Variants in PTPRT observed in about 807,000 individuals in gnomAD.
PTPRT encodes receptor-type tyrosine-protein phosphatase T.
A neutral mutation model predicts 176.8 loss-of-function variants in PTPRT; 56 were observed. The ratio of observed to expected loss-of-function variants is 0.32; its 90% CI spans 0.26 to 0.40. PTPRT has a LOEUF of 0.40. PTPRT is among the 10% of genes least tolerant of loss of function. PTPRT has a pLI of 1.00. For synonymous variants in PTPRT, 783 were observed against 739.0 expected (o/e 1.06, Z -0.96); for missense variants, 1,540 against 1,908.2 (o/e 0.81, Z 3.60).
At chr20:42,427,316 C>CTT (rs1314336142) in intron 9 of PTPRT, among the ~76,000 whole-genome samples, 1 of 152,184 alleles carries the variant, frequency 6.6e-6, no homozygotes, top group Non-Finnish European at 1.5e-5. Context: ...GTTTCTCAAA[C>CTT]TTAAAAACTT....
At chr20:42,346,330 T>G (rs571222243) in intron 11 of PTPRT, among the ~76,000 whole-genome samples, 1 of 152,344 alleles carries the variant, frequency 6.6e-6, no homozygotes, top group South Asian at 2.1e-4. Context: ...CATGGCTAAG[T>G]TACTTTCTTA....
chr20:42,268,952 G>T (rs1489154390), intron 13 of PTPRT, among the ~76,000 whole-genome samples: 1 of 152,128 alleles, frequency 6.6e-6, no homozygotes. Context: ...AGGCATAAGG[G>T]AACCACTTCC....
intron 1 of PTPRT, among the ~76,000 whole-genome samples, chr20:43,102,177 G>A (rs1038928716): frequency 1.3e-5 from 2 of 151,810 alleles, no homozygotes; most frequent in African/African-American, 2.4e-5. Context: ...TTAATACAGG[G>A]GGCATACATT....
chr20:42,727,378 G>T (rs1168044721), intron 6 of PTPRT, among the ~76,000 whole-genome samples: 1 of 152,162 alleles, frequency 6.6e-6, no homozygotes, highest in Non-Finnish European at 1.5e-5. Flanking sequence ...CAAGAACACT[G>T]CCAAGATACA....
chr20:42,825,736 A>G (rs539736464), intron 2 of PTPRT, among the ~76,000 whole-genome samples: 3 of 152,296 alleles, frequency 2.0e-5, no homozygotes, highest in African/African-American at 7.2e-5. Flanking sequence ...GAGAATGGGG[A>G]AAAAAGTGAC....
rs200617097 is a variant in PTPRT at position 42,110,500 on chromosome 20, C to G, written c.3100-13G>C. The stretch of plus-strand genomic sequence containing the variant: ...CATGGTAGCCTTTCTGAGGAAAGAA[C>G]GGGCCTCTGTTCTTCCAGCTGCTGC... On this transcript the variant is annotated splice_polypyrimidine_tract_variant and intron_variant, in intron 22 of 30. Coordinates refer to ENST00000373187, the MANE Select transcript of PTPRT (RefSeq NM_007050.6). 6.3e-7 allele frequency: 1 copy of G among 1,588,288 alleles called. No homozygotes were observed. Among genetic ancestry groups the G allele is most frequent in the African/African-American group, 1.3e-5 (1 of 74,522 alleles).
chr20:42,873,494 G>A (rs887663497), intron 2 of PTPRT, among the ~76,000 whole-genome samples: 1 of 152,158 alleles, frequency 6.6e-6, no homozygotes, highest in Non-Finnish European at 1.5e-5. Context: ...ATCTAGGAGA[G>A]TATTGACCAA....
At chr20:42,793,999 A>C (rs2077415818) in intron 2 of PTPRT, among the ~76,000 whole-genome samples, 1 of 152,156 alleles carries the variant, frequency 6.6e-6, no homozygotes, top group Non-Finnish European at 1.5e-5. Context: ...CCACGGGCTC[A>C]TGTACCCTTG....
chr20:42,676,172 T>G (rs2075498108), intron 7 of PTPRT, among the ~76,000 whole-genome samples: 1 of 152,236 alleles, frequency 6.6e-6, no homozygotes. Flanking sequence ...TCCACCTGGA[T>G]GGATGCATTT....
At chr20:42,914,982 C>A (rs3091519) in intron 1 of PTPRT, among the ~76,000 whole-genome samples, 86 of 152,114 alleles carry the variant, frequency 5.7e-4, no homozygotes, top group Non-Finnish European at 1.0e-3. Context: ...TTTTCTAAAC[C>A]CTTATCCCTC....
chr20:42,353,503 C>G (rs2058316146), intron 9 of PTPRT, among the ~76,000 whole-genome samples: 1 of 152,194 alleles, frequency 6.6e-6, no homozygotes, highest in Non-Finnish European at 1.5e-5. Flanking sequence ...AATAACCAAA[C>G]TGGTCTACAC....
chr20:42,824,768 T>C (rs1385039458), intron 2 of PTPRT, among the ~76,000 whole-genome samples: 1 of 151,932 alleles, frequency 6.6e-6, no homozygotes, highest in African/African-American at 2.4e-5. Flanking sequence ...CAAAAGAAGA[T>C]ATAAAGTTTT....
At chr20:43,134,201 T>C (rs561203403) in intron 1 of PTPRT, among the ~76,000 whole-genome samples, 4 of 152,312 alleles carry the variant, frequency 2.6e-5, no homozygotes, top group African/African-American at 7.2e-5. Context: ...GGAGCCGTTA[T>C]AGATCAGTTT....
chr20:42,342,230 C>T (rs1478135390), intron 11 of PTPRT, among the ~76,000 whole-genome samples: 1 of 152,184 alleles, frequency 6.6e-6, no homozygotes, highest in Non-Finnish European at 1.5e-5. Context: ...TGTGGGACAA[C>T]CTCATGGAGA....
chr20:42,816,605 C>G (rs1173180104), intron 2 of PTPRT, among the ~76,000 whole-genome samples: 1 of 152,148 alleles, frequency 6.6e-6, no homozygotes, highest in South Asian at 2.1e-4. Context: ...AGTGAATTCT[C>G]ATGAGATGTG....
intron 7 of PTPRT, among the ~76,000 whole-genome samples, chr20:42,521,985 G>A (rs1157651660): frequency 6.6e-6 from 1 of 151,802 alleles, no homozygotes; most frequent in Non-Finnish European, 1.5e-5. Flanking sequence ...AGGTATGACC[G>A]CCCTTTCAAT....
intron 1 of PTPRT, among the ~76,000 whole-genome samples, chr20:43,071,867 T>A (rs916553031): frequency 6.6e-6 from 1 of 152,230 alleles, no homozygotes; most frequent in East Asian, 1.9e-4. Context: ...ACGGCTTCTT[T>A]CCCACAGGGA....
the PTPRT span, among the ~76,000 whole-genome samples, chr20:42,067,692 GAGT>G: frequency 2.0e-5 from 3 of 152,148 alleles, no homozygotes; most frequent in East Asian, 5.8e-4. Flanking sequence ...CTTAGGACAT[GAGT>G]AGAACTTCTC....
At chr20:42,430,322 C>T (rs1182662978) in intron 9 of PTPRT, among the ~76,000 whole-genome samples, 3 of 152,184 alleles carry the variant, frequency 2.0e-5, no homozygotes, top group Non-Finnish European at 4.4e-5. Context: ...AAATGCTTGG[C>T]CTGCAGACAA....
Sources: allele counts gnomAD v4.1 joint callset (sites outside exome capture counted in the v4.1 genomes callset), GRCh38; gene constraint gnomAD v4.1.1; transcripts MANE v1.5; gene names NCBI Gene and HGNC (gene_info 2026-07-23, HGNC 2026-07-21).